The following PTPRD variants were observed in gnomAD, a reference collection of about 807,000 sequenced individuals.
PTPRD encodes the protein receptor-type tyrosine-protein phosphatase delta.
PTPRD carries 34 observed loss-of-function variants against 214.5 expected under a neutral mutation model. The ratio of observed to expected loss-of-function variants is 0.16; its 90% confidence interval spans 0.12 to 0.21. The LOEUF is 0.21. Ranked by LOEUF, PTPRD falls within the 10% of genes least tolerant of loss-of-function variation. The probability of loss-of-function intolerance (pLI) is 1.00; values close to 1 mark genes in which losing one functional copy is unlikely to be tolerated. For missense variants in PTPRD, 2,545 were observed against 2,398.7 expected, an observed-to-expected ratio of 1.06 and a Z score of -1.27; for synonymous variants, 1,128 against 845.7, an observed-to-expected ratio of 1.33 and a Z score of -5.79.
intron 4 of PTPRD, among the ~76,000 whole-genome samples, chr9:10,019,104 A>C (rs544669495): frequency 8.5e-5 from 13 of 152,266 alleles, no homozygotes; most frequent in Non-Finnish European, 1.5e-4. Flanking sequence ...ACCCCATCAA[A>C]AAGTGGGCGA....
At chr9:8,968,629 A>C (rs182791179) in intron 11 of PTPRD, among the ~76,000 whole-genome samples, 3 of 152,226 alleles carry the variant, frequency 2.0e-5, no homozygotes, top group African/African-American at 7.2e-5. Context: ...CATTTTACAC[A>C]CAAAGGAAAA....
Position 10,516,806 on chromosome 9 carries a change from C to T in PTPRD, c.-600+95592G>A, listed in dbSNP as rs548914830. Among the ~76,000 whole-genome samples, 39 of 151,810 alleles carry T rather than the reference C, an allele frequency of 2.6e-4. No individual in the cohort carries two copies. The South Asian group carries it at 7.9e-3, about 31-fold the overall frequency. On this transcript the variant is annotated intron_variant, in intron 2 of 45. Transcript: ENST00000381196. ...TTTTGCATTTGAATATCTAGTTTTCCCAGCACCATTTGCTGAAGAAACTAT... is the reference window on the plus strand; with the variant it reads ...TTTTGCATTTGAATATCTAGTTTTCTCAGCACCATTTGCTGAAGAAACTAT...
chr9:10,487,966 G>GTCTCTCTCTATCTCTC (rs1793002388), intron 2 of PTPRD, among the ~76,000 whole-genome samples: 1 of 110,270 alleles, frequency 9.1e-6, no homozygotes, highest in Admixed American at 9.5e-5. Flanking sequence ...AATGAACACA[G>GTCTCTCTCTATCTCTC]TCTCTCTCTC....
intron 11 of PTPRD, among the ~76,000 whole-genome samples, chr9:8,906,148 G>C (rs2098706216): frequency 6.6e-6 from 1 of 152,150 alleles, no homozygotes; most frequent in Non-Finnish European, 1.5e-5. Flanking sequence ...CCCTGAGTTT[G>C]GAAATTTTCC....
intron 39 of PTPRD, among the ~76,000 whole-genome samples, chr9:8,365,492 A>AG (rs2079591388): frequency 6.6e-6 from 1 of 152,082 alleles, no homozygotes; most frequent in Non-Finnish European, 1.5e-5. Flanking sequence ...GGGTCAGCTT[A>AG]GGGGGCTTGG....
At chr9:9,307,569 T>C (rs573704469) in intron 9 of PTPRD, among the ~76,000 whole-genome samples, 1 of 152,160 alleles carries the variant, frequency 6.6e-6, no homozygotes, top group Non-Finnish European at 1.5e-5. Flanking sequence ...CTTTGCCTTT[T>C]TTCCATTCTA....
At chr9:8,702,284 G>T (rs1488218255) in intron 12 of PTPRD, among the ~76,000 whole-genome samples, 1 of 151,476 alleles carries the variant, frequency 6.6e-6, no homozygotes, top group Non-Finnish European at 1.5e-5. Flanking sequence ...TGCTCTGAGT[G>T]AGGTTTCTGG....
Position 10,130,826 on chromosome 9 carries a change from G to C in PTPRD, c.-544-97036C>G, listed in dbSNP as rs149786125. Among the ~76,000 whole-genome samples the C allele has an allele frequency of 4.0e-3, 607 of 152,178 alleles. 3 individuals are homozygous for C. The highest frequency in any genetic ancestry group is 0.014 in the African/African-American group (563 of 41,560). ...CAGAGCCAAATTGTACTTTACGTTA[G>C]GCAGAGGCACTGGAAATGGAAATTG... On this transcript the variant is annotated intron_variant, in intron 3 of 45. Transcript: ENST00000381196.
intron 3 of PTPRD, among the ~76,000 whole-genome samples, chr9:10,068,044 C>T (rs2097916145): frequency 1.3e-5 from 2 of 151,862 alleles, no homozygotes; most frequent in Admixed American, 6.6e-5. Flanking sequence ...ATCCTGAGTT[C>T]CTTCGCTCTA....
intron 3 of PTPRD, among the ~76,000 whole-genome samples, chr9:10,334,688 C>A (rs561090782): frequency 2.8e-4 from 43 of 151,534 alleles, no homozygotes; most frequent in Admixed American, 5.3e-4. Context: ...ACAAAAATCT[C>A]ATGGAACTAA....
chr9:9,208,901 G>C (rs575254587), intron 9 of PTPRD, among the ~76,000 whole-genome samples: 1 of 151,586 alleles, frequency 6.6e-6, no homozygotes, highest in African/African-American at 2.4e-5. Context: ...TCCACTTCCC[G>C]GGTTCACGCC....
intron 10 of PTPRD, among the ~76,000 whole-genome samples, chr9:9,068,961 G>A (rs190016532): frequency 2.9e-4 from 44 of 152,094 alleles, no homozygotes; most frequent in South Asian, 6.2e-4. Context: ...AATAATTTCC[G>A]GGTAATAGGC....
intron 3 of PTPRD, among the ~76,000 whole-genome samples, chr9:10,134,417 C>G (rs1473730355): frequency 1.3e-5 from 2 of 152,146 alleles, no homozygotes; most frequent in Non-Finnish European, 2.9e-5. Context: ...TTCCCAATGA[C>G]TGAACACTGC....
chr9:10,511,403 C>A (rs2047956607), intron 2 of PTPRD, among the ~76,000 whole-genome samples: 1 of 151,702 alleles, frequency 6.6e-6, no homozygotes, highest in Middle Eastern at 3.2e-3. Context: ...TGCCATTTCT[C>A]TTTATTTATG....
At chr9:10,039,687 CA>C (rs2097260073) in intron 3 of PTPRD, among the ~76,000 whole-genome samples, 2 of 151,052 alleles carry the variant, frequency 1.3e-5, no homozygotes, top group African/African-American at 2.4e-5. Context: ...GAAAAAAAAA[CA>C]AAGGGGTATG....
chr9:9,515,160 G>C (rs1176615573), intron 8 of PTPRD, among the ~76,000 whole-genome samples: 9 of 152,036 alleles, frequency 5.9e-5, no homozygotes, highest in African/African-American at 2.2e-4. Flanking sequence ...ATTGACCGTG[G>C]TGGAGGTGCT....
intron 3 of PTPRD, among the ~76,000 whole-genome samples, chr9:10,083,503 A>T (rs1302711946): frequency 6.6e-6 from 1 of 152,112 alleles, no homozygotes; most frequent in African/African-American, 2.4e-5. Flanking sequence ...GCTAATTTTT[A>T]TCAGCAAATT....
intron 11 of PTPRD, among the ~76,000 whole-genome samples, chr9:8,846,006 A>G (rs998583820): frequency 4.6e-5 from 7 of 152,192 alleles, no homozygotes; most frequent in African/African-American, 1.7e-4. Context: ...CTTTTGGTTC[A>G]ATAATGGCCA....
chr9:9,725,739 C>A (rs992184220), intron 7 of PTPRD, among the ~76,000 whole-genome samples: 2 of 152,144 alleles, frequency 1.3e-5, no homozygotes, highest in East Asian at 1.9e-4. Flanking sequence ...GAGAAGTTTT[C>A]TGTGGTGACA....
Sources: allele counts gnomAD v4.1 joint callset (sites outside exome capture counted in the v4.1 genomes callset), GRCh38; gene constraint gnomAD v4.1.1; transcripts MANE v1.5; gene names NCBI Gene and HGNC (gene_info 2026-07-23, HGNC 2026-07-21).